KCNH7: variants seen among roughly 807,000 people sequenced by gnomAD.
KCNH7 encodes the protein voltage-gated inwardly rectifying potassium channel KCNH7.
Under a neutral mutation model 120.8 loss-of-function variants are expected in KCNH7, and 49 were observed. The observed-to-expected ratio is 0.41, with a 90% confidence interval of 0.32 to 0.51. The LOEUF (loss-of-function observed/expected upper bound fraction) is 0.51, where lower values mean the gene tolerates loss of function less well. Among genes scored for constraint, KCNH7 ranks in the 20% least tolerant of loss-of-function variants. The probability of loss-of-function intolerance (pLI) is 0.38; values close to 1 mark genes in which losing one functional copy is unlikely to be tolerated. For missense variants in KCNH7, 1,097 were observed against 1,446.6 expected, an observed-to-expected ratio of 0.76 and a Z score of 3.92; for synonymous variants, 547 against 516.1, an observed-to-expected ratio of 1.06 and a Z score of -0.81.
chr2:162,510,501 AC>A (rs1691034830), intron 5 of KCNH7, among the ~76,000 whole-genome samples: 1 of 151,560 alleles, frequency 6.6e-6, no homozygotes, highest in African/African-American at 2.4e-5. Flanking sequence ...AGATAAATGT[AC>A]CACCTGTGCA....
chr2:162,470,631 A>C (rs1258822184), intron 6 of KCNH7, among the ~76,000 whole-genome samples: 1 of 149,396 alleles, frequency 6.7e-6, no homozygotes, highest in African/African-American at 2.5e-5. Context: ...TGGGGGGGTC[A>C]GCCCCCCGCC....
At chr2:162,531,201 A>G (rs371911304) in intron 3 of KCNH7, among the ~76,000 whole-genome samples, 7 of 152,014 alleles carry the variant, frequency 4.6e-5, no homozygotes, top group African/African-American at 1.4e-4. Context: ...TTTAATCACA[A>G]TATAAAGTTG....
At chr2:162,666,992 C>T (rs1685153211) in intron 2 of KCNH7, among the ~76,000 whole-genome samples, 1 of 150,412 alleles carries the variant, frequency 6.6e-6, no homozygotes, top group Admixed American at 6.6e-5. Flanking sequence ...AGAACTATAC[C>T]TTCTAGTCTA....
intron 2 of KCNH7, among the ~76,000 whole-genome samples, chr2:162,666,420 C>T (rs1413360560): frequency 1.3e-5 from 2 of 151,070 alleles, no homozygotes; most frequent in Admixed American, 6.6e-5. Context: ...TGAGAATTCT[C>T]ACTGCATCCA....
intron 2 of KCNH7, among the ~76,000 whole-genome samples, chr2:162,580,031 T>C (rs1274478269): frequency 6.6e-6 from 1 of 152,034 alleles, no homozygotes; most frequent in Non-Finnish European, 1.5e-5. Context: ...TCATTCAAAA[T>C]GGGCTTGACT....
chr2:162,817,932 T>G (rs62171418), intron 2 of KCNH7, among the ~76,000 whole-genome samples: 1 of 152,080 alleles, frequency 6.6e-6, no homozygotes. Context: ...CAGAGAGATA[T>G]GGACATATTT....
At chr2:162,694,031 G>A (rs1403363943) in intron 2 of KCNH7, among the ~76,000 whole-genome samples, 1 of 152,130 alleles carries the variant, frequency 6.6e-6, no homozygotes, top group African/African-American at 2.4e-5. Context: ...GTCCCTTAGA[G>A]AAAGGTATTA....
chr2:162,472,804 G>A (rs1689596693), intron 6 of KCNH7, among the ~76,000 whole-genome samples: 2 of 152,136 alleles, frequency 1.3e-5, no homozygotes, highest in African/African-American at 4.8e-5. Flanking sequence ...GTTTATTGTG[G>A]CACTATTCAC....
chr2:162,648,595 C>T (rs922219475), intron 2 of KCNH7, among the ~76,000 whole-genome samples: 4 of 152,124 alleles, frequency 2.6e-5, no homozygotes, highest in African/African-American at 4.8e-5. Flanking sequence ...TGTGCTTTTG[C>T]TTATGCTTTT....
chr2:162,492,571 C>T (rs1430156634), intron 6 of KCNH7, among the ~76,000 whole-genome samples: 1 of 152,156 alleles, frequency 6.6e-6, no homozygotes, highest in Non-Finnish European at 1.5e-5. Context: ...CTTCCCTGAG[C>T]TACCTATAAA....
intron 2 of KCNH7, among the ~76,000 whole-genome samples, chr2:162,773,525 TTGAAA>T (rs1252177697): frequency 1.3e-5 from 2 of 151,960 alleles, no homozygotes; most frequent in African/African-American, 4.8e-5. Flanking sequence ...TCTTGCCAAC[TTGAAA>T]TAAATGTGTC....
intron 2 of KCNH7, among the ~76,000 whole-genome samples, chr2:162,788,733 T>C (rs1683804714): frequency 6.6e-6 from 1 of 151,596 alleles, no homozygotes; most frequent in African/African-American, 2.4e-5. Flanking sequence ...GACAGAAAAC[T>C]CTAAATATGG....
At chr2:162,645,168 T>C (rs1485662381) in intron 2 of KCNH7, among the ~76,000 whole-genome samples, 2 of 151,984 alleles carry the variant, frequency 1.3e-5, no homozygotes. Context: ...CATTTTTTTT[T>C]AACAGAATTT....
At chr2:162,737,658 C>G (rs896288610) in intron 2 of KCNH7, among the ~76,000 whole-genome samples, 2 of 152,034 alleles carry the variant, frequency 1.3e-5, no homozygotes, top group Non-Finnish European at 2.9e-5. Context: ...CAAAGTAAAT[C>G]ACAAACACTT....
At chr2:162,689,590 C>G (rs1031362503) in intron 2 of KCNH7, among the ~76,000 whole-genome samples, 4 of 151,990 alleles carry the variant, frequency 2.6e-5, no homozygotes, top group Admixed American at 2.6e-4. Context: ...GTTAAATCTG[C>G]TTATTTTTTT....
At chr2:162,485,946 T>G (rs1162791054) in intron 6 of KCNH7, among the ~76,000 whole-genome samples, 1 of 152,174 alleles carries the variant, frequency 6.6e-6, no homozygotes, top group African/African-American at 2.4e-5. Flanking sequence ...GAACTTTATT[T>G]CCTTGATCTG....
At chr2:162,764,695 A>G (rs1405402703) in intron 2 of KCNH7, among the ~76,000 whole-genome samples, 2 of 152,190 alleles carry the variant, frequency 1.3e-5, no homozygotes, top group African/African-American at 4.8e-5. Context: ...AAATCAATTC[A>G]TGAGTTATTT....
At chr2:162,452,178 G>C (rs946648099) in intron 6 of KCNH7, among the ~76,000 whole-genome samples, 1 of 151,866 alleles carries the variant, frequency 6.6e-6, no homozygotes, top group Non-Finnish European at 1.5e-5. Context: ...GGAGAGAGAA[G>C]GTCTGAATTT....
rs551954309 is a variant in KCNH7 at position 162,720,923 on chromosome 2, A to T, written c.307+115614T>A. 1.6e-3 allele frequency among the ~76,000 whole-genome samples: 246 copies of T among 152,238 alleles called. 2 individuals are homozygous for T. The highest frequency in any genetic ancestry group is 2.6e-3 in the Non-Finnish European group (176 of 67,980). On this transcript the variant is annotated intron_variant, in intron 2 of 15. Transcript: ENST00000332142. ...ACAGGCTCTACACACTTTTATTTGT[A>T]ATTTGCCTTATTAGCATTTTCTCTA...
Sources: gnomAD v4.1 joint callset for allele counts (sites outside exome capture counted in the v4.1 genomes callset) on GRCh38, gnomAD v4.1.1 for gene constraint, MANE v1.5 for transcripts, NCBI Gene and HGNC (gene_info 2026-07-23, HGNC 2026-07-21) for gene names.